SLC5A10: variants seen among roughly 807,000 people sequenced by gnomAD.
SLC5A10 encodes the protein sodium/mannose cotransporter SLC5A10.
A neutral mutation model predicts 68.9 loss-of-function variants in SLC5A10; 55 were observed. That is an observed-to-expected ratio of 0.80 (90% CI 0.64 to 1.00). SLC5A10 has a LOEUF of 1.00. Among genes scored for constraint, SLC5A10 ranks in the 50% least tolerant of loss-of-function variants. The probability of loss-of-function intolerance (pLI) is 0.00; values close to 1 mark genes in which losing one functional copy is unlikely to be tolerated. For synonymous variants in SLC5A10, 344 were observed against 344.8 expected (o/e 1.00, Z 0.02); for missense variants, 732 against 819.3 (o/e 0.89, Z 1.30).
chr17:19,013,346 A>C (rs749573643), intron 9 of SLC5A10, 64 bp from the exon 10 acceptor site: 1 of 1,594,650 alleles, frequency 6.3e-7, no homozygotes, highest in Non-Finnish European at 8.5e-7. Flanking sequence ...CCCCAGCCCT[A>C]TCTTGCCCAC....
At chr17:18,973,475 C>T (rs1360706953) in intron 8 of SLC5A10, among the ~76,000 whole-genome samples, 1 of 152,238 alleles carries the variant, frequency 6.6e-6, no homozygotes, top group Non-Finnish European at 1.5e-5. Context: ...ATCCTCTACC[C>T]CTTGGGCTGG....
Position 18,959,131 on chromosome 17 carries a change from C to G in SLC5A10, c.184-4C>G, listed in dbSNP as rs1157141288. On this transcript the variant is annotated splice_polypyrimidine_tract_variant and splice_region_variant and intron_variant, in intron 2 of 14. Transcript: ENST00000395645. ...GCTGATGCGTTTCCCTTTCTCTCCT[C>G]CAGATTGGAGCCTCCCTCTTCGCCA... is the stretch of plus-strand genomic sequence containing the variant. 1.2e-6 allele frequency: 2 copies of G among 1,607,780 alleles called. No individual in the cohort carries two copies. Among genetic ancestry groups the G allele is most frequent in the Admixed American group, 1.7e-5 (1 of 59,846 alleles).
At chr17:18,961,495 G>C (rs1446289167) in intron 5 of SLC5A10, among the ~76,000 whole-genome samples, 3 of 152,116 alleles carry the variant, frequency 2.0e-5, no homozygotes, top group Non-Finnish European at 4.4e-5. Context: ...GGTAGCAATG[G>C]GCAGGACCAC....
At chr17:19,014,448 G>A (rs1369651609) in intron 10 of SLC5A10, among the ~76,000 whole-genome samples, 2 of 152,182 alleles carry the variant, frequency 1.3e-5, no homozygotes, top group Non-Finnish European at 2.9e-5. Flanking sequence ...GATCCACTAT[G>A]CCTGCTGGGT....
chr17:18,965,710 C>T (rs1162479193), intron 5 of SLC5A10, among the ~76,000 whole-genome samples: 1 of 152,234 alleles, frequency 6.6e-6, no homozygotes, highest in Non-Finnish European at 1.5e-5. Context: ...ACTGGGCTCC[C>T]GCCCTTGCAA....
Position 18,969,069 on chromosome 17 carries a change from G to A in SLC5A10, c.471G>A (p.Gly157=), listed in dbSNP as rs1454802953. 4 of 1,613,836 alleles carry A rather than the reference G, an allele frequency of 2.5e-6. No individual in the cohort carries two copies. Among genetic ancestry groups the A allele is most frequent in the Admixed American group, 1.7e-5 (1 of 59,960 alleles). The part of the protein sequence containing the change: ...FTKISLDLYA[G]ALFVHICLGW... ...CTCCGCAGCTGGACCTGTACGCGGG[G>A]GCTCTGTTTGTGCACATCTGCCTGG... Residue 157 remains glycine, a synonymous_variant, in exon 6 of 15, where the codon GGG becomes GGA. Transcript: ENST00000395645.
chr17:19,008,590 C>T (rs892181370), intron 9 of SLC5A10, among the ~76,000 whole-genome samples: 54 of 151,444 alleles, frequency 3.6e-4, no homozygotes, highest in Non-Finnish European at 6.8e-4. Context: ...AGCTCCGCCT[C>T]CTGGGTTCAC....
intron 4 of SLC5A10, 66 bp downstream of exon 4, chr17:18,959,729 G>T: frequency 3.4e-6 from 5 of 1,467,894 alleles, no homozygotes; most frequent in Non-Finnish European, 4.8e-6. Flanking sequence ...GGTAGTAATG[G>T]GCAGGACCAC....
Position 18,959,255 on chromosome 17 carries a change from C to T in SLC5A10, c.288+16C>T. On this transcript the variant is annotated intron_variant, in intron 3 of 14. Coordinates refer to ENST00000395645, the MANE Select transcript of SLC5A10 (RefSeq NM_001042450.4). ...CGAGTGGAATGTGAGTCCTGGAGGA[C>T]TGGCGGCCTGTGGGAGGGCCAGGGC... The T allele has an allele frequency of 6.2e-7, 1 of 1,611,534 alleles. No individual in the cohort carries two copies. Among genetic ancestry groups the T allele is most frequent in the Non-Finnish European group, 8.5e-7 (1 of 1,179,354 alleles).
intron 11 of SLC5A10, among the ~76,000 whole-genome samples, chr17:19,015,518 G>T (rs189764857): frequency 6.6e-6 from 1 of 152,134 alleles, no homozygotes; most frequent in Non-Finnish European, 1.5e-5. Context: ...CCTCCTGATG[G>T]TTCCCAGCTG....
rs80145212 is a variant in SLC5A10 at position 19,005,807 on chromosome 17, C to T, written c.983-7603C>T. 0.011 allele frequency among the ~76,000 whole-genome samples: 1,653 copies of T among 152,296 alleles called. 122 individuals carry two copies. The East Asian group carries it at 0.19, about 18-fold the overall frequency. ...GAAGTCCTACACTCTGCCATATAGC[C>T]CCCCAAGGGCTTTATGCTACTGAAC... is the stretch of plus-strand genomic sequence containing the variant. On this transcript the variant is annotated intron_variant, in intron 9 of 14. Coordinates refer to ENST00000395645, the MANE Select transcript of SLC5A10 (RefSeq NM_001042450.4).
At chr17:18,952,346 G>C (rs1376881412) in intron 1 of SLC5A10, 30 bp downstream of exon 1, 1 of 1,595,898 alleles carries the variant, frequency 6.3e-7, no homozygotes, top group African/African-American at 1.3e-5. Context: ...TGTTGGCCAA[G>C]TGGGCTCTCA....
rs775678386 is a variant in SLC5A10 at position 18,971,523 on chromosome 17, T to G, written c.846+305T>G. On this transcript the variant is annotated intron_variant, in intron 8 of 14. Transcript: ENST00000395645. The surrounding 1 kb of genome is among the most constrained non-coding windows in gnomAD (Gnocchi z 5.5). ...TCCTCGGTGGCCCTGCCATCGGTCA[T>G]GGGGCGGGCATTTTGGGCCAGTCTT... The G allele has an allele frequency of 6.2e-7, 1 of 1,613,896 alleles. No individual in the cohort carries two copies. Among genetic ancestry groups the G allele is most frequent in the African/African-American group, 1.3e-5 (1 of 75,008 alleles).
chr17:18,965,080 G>GT (rs11305580), intron 5 of SLC5A10, among the ~76,000 whole-genome samples: 1 of 144,152 alleles, frequency 6.9e-6, no homozygotes. Context: ...GGAGGCAGAG[G>GT]TTTTTTTAAA....
In SLC5A10 at chr17:19,012,307, C is replaced by T. The variant is rs1286202345; in HGVS notation, c.983-1103C>T. Among the ~76,000 whole-genome samples the T allele has an allele frequency of 3.3e-5, 5 of 152,210 alleles. No homozygotes were observed. In the East Asian group the frequency reaches 9.6e-4, roughly 29 times the overall value. On this transcript the variant is annotated intron_variant, in intron 9 of 14. Transcript: ENST00000395645. ...CTATGGAGGTAGGCCGGGGTTCTGC[C>T]CCCACACAGGGCAGGAGGCCGAGGG...
rs750183996 is a variant in SLC5A10 at position 19,015,168 on chromosome 17, T to G, written c.1210T>G (p.Ser404Ala). 2.2e-6 allele frequency: 3 copies of G among 1,353,286 alleles called. No homozygotes were observed. The highest frequency in any genetic ancestry group is 2.3e-5 in the South Asian group (2 of 87,338). 83.8% of individuals were successfully genotyped at this position (1,353,286 alleles called of 1,614,324 possible). A position where few individuals can be genotyped will look rare whatever the true frequency, so the allele number is the denominator to read the frequency against. The change falls in exon 11 of 15, where the codon TCC becomes GCC. Residue 404 changes from serine to alanine, a missense_variant. Physicochemically the swap from Ser to Ala is moderately conservative, Grantham distance 99. Coordinates refer to ENST00000395645, the MANE Select transcript of SLC5A10 (RefSeq NM_001042450.4). ...MDIWRRLRPRSGERELLLVGR... is the reference protein window; with the variant it reads ...MDIWRRLRPRAGERELLLVGR... The stretch of plus-strand genomic sequence containing the variant: ...CATCTGGAGGCGGCTGCGTCCCCGC[T>G]CCGGCGAGCGGGAGCTCCTGCTGGT...
rs757922760 is a variant in SLC5A10, at chr17:18,971,631, C to T, written c.846+413C>T. On this transcript the variant is annotated intron_variant, in intron 8 of 14. Transcript: ENST00000395645. The surrounding 1 kb of genome is among the most constrained non-coding windows in gnomAD (Gnocchi z 5.5). The stretch of plus-strand genomic sequence containing the variant: ...TGGGGGCCAGCCATGGCTGGGCCAG[C>T]GTTTCTGGTAGAGCTCTGGACGCTG... The T allele has an allele frequency of 1.4e-5, 23 of 1,613,302 alleles. No individual in the cohort carries two copies. Among genetic ancestry groups the T allele is most frequent in the South Asian group, 3.3e-5 (3 of 91,084 alleles).
In SLC5A10 at chr17:19,017,431, A is replaced by T; in HGVS notation, c.1242-1992A>T. The T allele has an allele frequency of 6.5e-7, 1 of 1,535,042 alleles. No individual in the cohort carries two copies. The highest frequency in any genetic ancestry group is 8.8e-7 in the Non-Finnish European group (1 of 1,131,926). Reference sequence around the variant, plus strand: ...GGCCTGACAACAGTCTCTGTCAGGGAGAGGCGAGGCTTACAGAGAGAAGAC... The same window carrying T: ...GGCCTGACAACAGTCTCTGTCAGGGTGAGGCGAGGCTTACAGAGAGAAGAC... On this transcript the variant is annotated intron_variant, in intron 11 of 14. Transcript: ENST00000395645. This position sits in a 1 kb window ranked among gnomAD's most constrained non-coding sequence, Gnocchi z 5.6.
In SLC5A10 at chr17:19,020,452, AG is replaced by A; in HGVS notation, c.*23del. 6.2e-7 allele frequency: 1 copy of A among 1,609,814 alleles called. No homozygotes were observed. Among genetic ancestry groups the A allele is most frequent in the Non-Finnish European group, 8.5e-7 (1 of 1,176,638 alleles). Reference sequence around the variant, plus strand: ...CCTGACACTGCCATCCTGGACAGAAAGGCAGGAGCTCTGAGTCCTCAGGTCC... The same window carrying A: ...CCTGACACTGCCATCCTGGACAGAAAGCAGGAGCTCTGAGTCCTCAGGTCC... On this transcript the variant is annotated 3_prime_UTR_variant, in exon 15 of 15. Coordinates refer to ENST00000395645, the MANE Select transcript of SLC5A10 (RefSeq NM_001042450.4).
Sources: allele counts gnomAD v4.1 joint callset (sites outside exome capture counted in the v4.1 genomes callset), GRCh38; gene constraint gnomAD v4.1.1; non-coding constraint Gnocchi (gnomAD v3.1); transcripts MANE v1.5; gene names NCBI Gene and HGNC (gene_info 2026-07-23, HGNC 2026-07-21).